Variants in NPAS3 observed in about 807,000 individuals in gnomAD.
The protein encoded by NPAS3 is neuronal PAS domain protein 3.
NPAS3 carries 14 observed loss-of-function variants against 73.1 expected under a neutral mutation model. That is an observed-to-expected ratio of 0.19 (90% confidence interval 0.13 to 0.30). The LOEUF (loss-of-function observed/expected upper bound fraction) is 0.30. Ranked by LOEUF, NPAS3 falls within the 10% of genes least tolerant of loss-of-function variation. The pLI is 1.00. For missense variants in NPAS3, 1,096 were observed against 1,250.0 expected (o/e 0.88, Z 1.86); for synonymous variants, 620 against 541.5 (o/e 1.14, Z -2.01).
intron 3 of NPAS3, among the ~76,000 whole-genome samples, chr14:33,309,347 C>T (rs978867505): frequency 1.2e-4 from 18 of 152,176 alleles, no homozygotes; most frequent in Non-Finnish European, 2.5e-4. Context: ...CTTTCACAAG[C>T]ATTGAATATG....
chr14:33,481,754 C>T (rs952619975), intron 4 of NPAS3, among the ~76,000 whole-genome samples: 2 of 151,642 alleles, frequency 1.3e-5, no homozygotes, highest in Non-Finnish European at 2.9e-5. Flanking sequence ...AGAATTTCAC[C>T]AGGACGTGTG....
chr14:33,281,676 A>G (rs565497173), intron 3 of NPAS3, among the ~76,000 whole-genome samples: 1 of 152,302 alleles, frequency 6.6e-6, no homozygotes, highest in African/African-American at 2.4e-5. Flanking sequence ...AATTCTGTAC[A>G]TATCATTAAG....
At chr14:33,663,526 T>C (rs2059368382) in intron 5 of NPAS3, among the ~76,000 whole-genome samples, 1 of 152,204 alleles carries the variant, frequency 6.6e-6, no homozygotes. Context: ...CCTGAAATTT[T>C]CTTTTTTTGT....
intron 2 of NPAS3, among the ~76,000 whole-genome samples, chr14:33,154,253 T>A (rs887985152): frequency 6.6e-6 from 1 of 152,234 alleles, no homozygotes; most frequent in Admixed American, 6.5e-5. Context: ...GATGTGGCAC[T>A]ACCGCTGGTT....
At chr14:33,705,534 T>C (rs761128469) in intron 6 of NPAS3, among the ~76,000 whole-genome samples, 41 of 152,230 alleles carry the variant, frequency 2.7e-4, no homozygotes, top group Non-Finnish European at 4.6e-4. Flanking sequence ...GACTTTCTTT[T>C]GTTGCAAAAC....
chr14:33,544,351 A>G (rs1461627239), intron 4 of NPAS3, among the ~76,000 whole-genome samples: 2 of 152,096 alleles, frequency 1.3e-5, no homozygotes, highest in East Asian at 3.9e-4. Context: ...TGTGCCATAG[A>G]CTAAATTGTG....
rs187835378 is a variant in NPAS3 at position 33,400,063 on chromosome 14, G to T, written c.468+32795G>T. 1.4e-4 allele frequency among the ~76,000 whole-genome samples: 22 copies of T among 152,158 alleles called. No individual in the cohort carries two copies. In the East Asian group the frequency reaches 3.9e-3, roughly 27 times the overall value. ...AGCTTTGGCTACTTAAGAAGTTTTT[G>T]AGGCTTATCAGCCAAAAATGTATTT... On this transcript the variant is annotated intron_variant, in intron 4 of 11. Transcript: ENST00000356141.
chr14:33,087,591 T>C (rs1023338314), intron 2 of NPAS3, among the ~76,000 whole-genome samples: 6 of 152,132 alleles, frequency 3.9e-5, no homozygotes, highest in Non-Finnish European at 7.4e-5. Flanking sequence ...AAATGACAAA[T>C]GGTTTTTACA....
At chr14:33,578,255 G>A (rs538002713) in intron 5 of NPAS3, 12 of 455,278 alleles carry the variant, frequency 2.6e-5, no homozygotes, top group African/African-American at 1.2e-4. Context: ...GTGCAATGAC[G>A]CGATCTCAGC....
intron 1 of NPAS3, among the ~76,000 whole-genome samples, chr14:32,997,385 A>T (rs2038622269): frequency 6.6e-6 from 1 of 152,090 alleles, no homozygotes; most frequent in African/African-American, 2.4e-5. Flanking sequence ...TTGGTTTTGA[A>T]ATGTGAAGAT....
chr14:33,077,241 TG>T (rs200293832), intron 2 of NPAS3, among the ~76,000 whole-genome samples: 3,893 of 152,122 alleles, frequency 0.026, 60 homozygotes, highest in Non-Finnish European at 0.039. Flanking sequence ...CAAAATGGGG[TG>T]GTCAGAAGAG....
intron 4 of NPAS3, among the ~76,000 whole-genome samples, chr14:33,430,177 A>G (rs2048724543): frequency 6.6e-6 from 1 of 152,160 alleles, no homozygotes; most frequent in African/African-American, 2.4e-5. Context: ...AGATCAACCC[A>G]GGGTCAAAAT....
At chr14:33,113,481 T>C (rs1469519776) in intron 2 of NPAS3, among the ~76,000 whole-genome samples, 1 of 152,188 alleles carries the variant, frequency 6.6e-6, no homozygotes, top group African/African-American at 2.4e-5. Flanking sequence ...CTGTTATTAG[T>C]GTATAAGAAT....
intron 3 of NPAS3, among the ~76,000 whole-genome samples, chr14:33,275,925 T>C (rs563414596): frequency 6.6e-6 from 1 of 152,320 alleles, no homozygotes; most frequent in South Asian, 2.1e-4. Flanking sequence ...AACTTTTTGG[T>C]GTGAGAGCAC....
chr14:33,795,062 T>C (rs1417721284), intron 10 of NPAS3, among the ~76,000 whole-genome samples: 3 of 152,216 alleles, frequency 2.0e-5, no homozygotes, highest in Non-Finnish European at 4.4e-5. Context: ...GACAGCCAAG[T>C]GGAGCTGGGA....
At chr14:33,517,515 G>C (rs985396864) in intron 4 of NPAS3, among the ~76,000 whole-genome samples, 9 of 151,900 alleles carry the variant, frequency 5.9e-5, no homozygotes, top group African/African-American at 2.2e-4. Flanking sequence ...GTTTCTCATG[G>C]GTGTATTGCT....
intron 5 of NPAS3, among the ~76,000 whole-genome samples, chr14:33,632,361 G>T (rs1204413225): frequency 6.6e-6 from 1 of 152,182 alleles, no homozygotes; most frequent in African/African-American, 2.4e-5. Context: ...TAGTTTTGAT[G>T]CAGGTGGTCT....
At chr14:33,217,848 T>C (rs1352701586) in intron 3 of NPAS3, among the ~76,000 whole-genome samples, 1 of 152,210 alleles carries the variant, frequency 6.6e-6, no homozygotes, top group Non-Finnish European at 1.5e-5. Context: ...AGCGTTAGCA[T>C]ATCTAAGGCA....
chr14:33,477,144 T>C (rs892770714), intron 4 of NPAS3, among the ~76,000 whole-genome samples: 1 of 152,084 alleles, frequency 6.6e-6, no homozygotes, highest in Admixed American at 6.6e-5. Flanking sequence ...CTGGATTTAA[T>C]AATTTCAGCT....
Sources: gnomAD v4.1 joint callset for allele counts (sites outside exome capture counted in the v4.1 genomes callset) on GRCh38, gnomAD v4.1.1 for gene constraint, MANE v1.5 for transcripts, NCBI Gene and HGNC (gene_info 2026-07-23, HGNC 2026-07-21) for gene names.